Variants in PAPPA observed in about 807,000 individuals in gnomAD.
PAPPA encodes pappalysin-1.
Under a neutral mutation model 164.0 loss-of-function variants are expected in PAPPA, and 60 were observed. The ratio of observed to expected loss-of-function variants is 0.37; its 90% confidence interval spans 0.30 to 0.45. The LOEUF (loss-of-function observed/expected upper bound fraction) is 0.45, where lower values mean the gene tolerates loss of function less well. Among genes scored for constraint, PAPPA ranks in the 20% least tolerant of loss-of-function variants. The pLI is 1.00. For synonymous variants in PAPPA, 875 were observed against 814.1 expected (o/e 1.07, Z -1.27); for missense variants, 1,782 against 2,087.3 (o/e 0.85, Z 2.85).
intron 8 of PAPPA, among the ~76,000 whole-genome samples, chr9:116,267,835 A>T (rs1026019246): frequency 7.3e-6 from 1 of 136,206 alleles, no homozygotes. Flanking sequence ...AGATTGCGCC[A>T]CTGCAGTCTG....
rs370348154 is a variant in PAPPA at position 116,341,030 on chromosome 9, T to TTTTATTTATTTATTTA, written c.3612-3501_3612-3486dup. Among the ~76,000 whole-genome samples, 505 of 151,040 alleles carry TTTTATTTATTTATTTA rather than the reference T, an allele frequency of 3.3e-3. 4 individuals carry two copies. Among genetic ancestry groups the TTTTATTTATTTATTTA allele is most frequent in the African/African-American group, 0.011 (471 of 41,064 alleles). ...CTCTTTTTTTATTTTTATTTTTTTG[T>TTTTATTTATTTATTTA]TTTATTTATTTATTTATTTATTTAT... On this transcript the variant is annotated intron_variant, in intron 13 of 21. Coordinates refer to ENST00000328252, the MANE Select transcript of PAPPA (RefSeq NM_002581.5).
intron 10 of PAPPA, among the ~76,000 whole-genome samples, chr9:116,328,133 G>A (rs1464752687): frequency 6.6e-6 from 1 of 152,188 alleles, no homozygotes; most frequent in African/African-American, 2.4e-5. Flanking sequence ...GCAGAGATAA[G>A]ACCCCCAATC....
intron 1 of PAPPA, among the ~76,000 whole-genome samples, chr9:116,185,926 AG>A (rs1328223146): frequency 6.6e-6 from 1 of 152,172 alleles, no homozygotes; most frequent in Non-Finnish European, 1.5e-5. Context: ...CTATAGAATT[AG>A]GGCCTAGGAC....
chr9:116,216,316 C>G (rs1190700906), intron 4 of PAPPA, among the ~76,000 whole-genome samples: 2 of 152,092 alleles, frequency 1.3e-5, no homozygotes, highest in Non-Finnish European at 2.9e-5. Context: ...GTCCAAAGTC[C>G]TAAGTGGAGT....
At chr9:116,296,700 A>G (rs1196147020) in intron 9 of PAPPA, among the ~76,000 whole-genome samples, 3 of 152,186 alleles carry the variant, frequency 2.0e-5, no homozygotes, top group Admixed American at 2.0e-4. Context: ...AAAGTGAAAA[A>G]TGGAAAGCAC....
chr9:116,320,445 A>G (rs1338173549), intron 10 of PAPPA, among the ~76,000 whole-genome samples: 1 of 152,216 alleles, frequency 6.6e-6, no homozygotes, highest in Non-Finnish European at 1.5e-5. Flanking sequence ...TGCTATTTCT[A>G]GAACTCTGGG....
chr9:116,376,925 T>TAATA (rs919445160), intron 19 of PAPPA, among the ~76,000 whole-genome samples: 5 of 152,086 alleles, frequency 3.3e-5, no homozygotes, highest in African/African-American at 1.2e-4. Flanking sequence ...GGTTGGTTCA[T>TAATA]AATAGCCCAT....
intron 10 of PAPPA, among the ~76,000 whole-genome samples, chr9:116,328,204 G>A (rs540885038): frequency 1.3e-5 from 2 of 152,258 alleles, no homozygotes; most frequent in African/African-American, 4.8e-5. Flanking sequence ...AGAACACAAG[G>A]GGAAAGAATT....
chr9:116,233,964 G>A lies in PAPPA; in HGVS notation c.2234-1175G>A, dbSNP rs1464100611. ...AGCTACTCAGGAGGCTGAGGCAGGG[G>A]AATTTGAGCCTGCAATGAGCTACAA... On this transcript the variant is annotated intron_variant, in intron 6 of 21. Transcript: ENST00000328252. Among the ~76,000 whole-genome samples, 4 of 152,162 alleles carry A rather than the reference G, an allele frequency of 2.6e-5. No individual in the cohort carries two copies. The South Asian group carries it at 8.3e-4, about 32-fold the overall frequency.
rs1843980342 is a variant in PAPPA, at chr9:116,187,117, C to T, written c.416-37C>T. On this transcript the variant is annotated intron_variant, in intron 1 of 21. Transcript: ENST00000328252. The surrounding 1 kb of genome is among the most constrained non-coding windows in gnomAD (Gnocchi z 4.2). Reference sequence around the variant, plus strand: ...ACTTAACCCCCCCTCCTTTTCCATCCTTTATTTATTCATCTTTCTCTTTTG... The same window carrying T: ...ACTTAACCCCCCCTCCTTTTCCATCTTTTATTTATTCATCTTTCTCTTTTG... 2.1e-6 allele frequency: 3 copies of T among 1,462,310 alleles called. No homozygotes were observed. The highest frequency in any genetic ancestry group is 2.9e-6 in the Non-Finnish European group (3 of 1,048,530). The allele number at this position is 1,462,310 out of a possible 1,614,324, so 90.6% of individuals were successfully genotyped here.
intron 19 of PAPPA, among the ~76,000 whole-genome samples, chr9:116,375,662 C>T (rs1846639295): frequency 6.6e-6 from 1 of 152,148 alleles, no homozygotes; most frequent in Non-Finnish European, 1.5e-5. Flanking sequence ...AGAAAGGCAC[C>T]CAATCCAGTC....
At chr9:116,276,246 C>A (rs1845197033) in intron 9 of PAPPA, among the ~76,000 whole-genome samples, 1 of 152,152 alleles carries the variant, frequency 6.6e-6, no homozygotes, top group African/African-American at 2.4e-5. Flanking sequence ...GGATAATAGT[C>A]AAATTAGTCA....
intron 2 of PAPPA, among the ~76,000 whole-genome samples, chr9:116,197,746 C>A (rs760257054): frequency 3.9e-5 from 6 of 152,182 alleles, no homozygotes; most frequent in Non-Finnish European, 8.8e-5. Flanking sequence ...ATCTACTGTA[C>A]GGCCTGTATT....
rs759897818 is a variant in PAPPA, at chr9:116,235,485, G to A, written c.2580G>A (p.Glu860=). The A allele has an allele frequency of 1.2e-6, 2 of 1,613,568 alleles. No homozygotes were observed. Among genetic ancestry groups the A allele is most frequent in the South Asian group, 2.2e-5 (2 of 91,032 alleles). ...GCATCCAAATCTACACGCTGGATGA[G>A]CACCTGGAGATCGATGCTGCCATGT... ...VYGIQIYTLD[E]HLEIDAAMLT... Residue 860 remains glutamate (E), a synonymous_variant, in exon 7 of 22, where the codon GAG becomes GAA. Transcript: ENST00000328252.
intron 7 of PAPPA, among the ~76,000 whole-genome samples, chr9:116,252,239 A>G (rs1844868594): frequency 6.6e-6 from 1 of 152,222 alleles, no homozygotes; most frequent in Non-Finnish European, 1.5e-5. Context: ...TAGGAAAAGA[A>G]TGAGTTTTGC....
chr9:116,378,487 G>A (rs1042158429), intron 20 of PAPPA, among the ~76,000 whole-genome samples: 1 of 152,200 alleles, frequency 6.6e-6, no homozygotes, highest in African/African-American at 2.4e-5. Context: ...AAACGCAGGT[G>A]AAAAGGATCA....
At chr9:116,350,864 T>A (rs551438828) in intron 15 of PAPPA, among the ~76,000 whole-genome samples, 1 of 152,362 alleles carries the variant, frequency 6.6e-6, no homozygotes, top group South Asian at 2.1e-4. Flanking sequence ...CTTTACTCTT[T>A]TTACTTGATG....
intron 6 of PAPPA, 52 bp from the exon 7 acceptor site, chr9:116,235,087 T>A (rs1447577819): frequency 1.2e-6 from 2 of 1,606,472 alleles, no homozygotes; most frequent in African/African-American, 2.7e-5. Flanking sequence ...ACTCTAAGGA[T>A]GGGAATAAAG....
chr9:116,235,278 G>T lies in PAPPA; in HGVS notation c.2373G>T (p.Leu791Phe), dbSNP rs1447745554. Residue 791 changes from leucine to phenylalanine, a missense_variant, in exon 7 of 22, where the codon TTG (leucine) becomes TTT (phenylalanine). Coordinates refer to ENST00000328252, the MANE Select transcript of PAPPA (RefSeq NM_002581.5). ...CYLELEFLYP[L>F]VPESLTIWVT... ...TCGAGCTGGAGTTCCTCTACCCCTT[G>T]GTCCCTGAGTCTCTGACCATTTGGG... 1.9e-6 allele frequency: 3 copies of T among 1,613,948 alleles called. No individual in the cohort carries two copies. Among genetic ancestry groups the T allele is most frequent in the African/African-American group, 2.7e-5 (2 of 74,898 alleles).
Sources: gnomAD v4.1 joint callset for allele counts (sites outside exome capture counted in the v4.1 genomes callset) on GRCh38, gnomAD v4.1.1 for gene constraint, Gnocchi (gnomAD v3.1) non-coding constraint, MANE v1.5 for transcripts, NCBI Gene and HGNC (gene_info 2026-07-23, HGNC 2026-07-21) for gene names.